LRBA: variants seen among roughly 807,000 people sequenced by gnomAD.
LRBA encodes LPS responsive beige-like anchor protein, also known as lipopolysaccharide-responsive and beige-like anchor protein.
Under a neutral mutation model 330.0 loss-of-function variants are expected in LRBA, and 176 were observed. The observed-to-expected ratio is 0.53, with a 90% CI of 0.47 to 0.60. The LOEUF is 0.60. LRBA is among the 20% of genes least tolerant of loss of function. LRBA has a pLI of 0.00. For synonymous variants in LRBA, 1,230 were observed against 1,193.0 expected (o/e 1.03, Z -0.64); for missense variants, 3,259 against 3,444.8 (o/e 0.95, Z 1.35).
At chr4:150,691,936 T>C (rs985100308) in intron 36 of LRBA, among the ~76,000 whole-genome samples, 1 of 152,116 alleles carries the variant, frequency 6.6e-6, no homozygotes, top group Non-Finnish European at 1.5e-5. Flanking sequence ...GTACCTACTA[T>C]TTGATTCCAT....
intron 46 of LRBA, among the ~76,000 whole-genome samples, chr4:150,425,244 A>G (rs1275336970): frequency 6.6e-6 from 1 of 152,246 alleles, no homozygotes; most frequent in Non-Finnish European, 1.5e-5. Context: ...TCAGAACAGA[A>G]CAGTCAGCTC....
intron 36 of LRBA, among the ~76,000 whole-genome samples, chr4:150,730,029 A>C (rs1730225222): frequency 6.6e-6 from 1 of 152,204 alleles, no homozygotes; most frequent in Non-Finnish European, 1.5e-5. Flanking sequence ...CTAAGACTTC[A>C]AACTGTGAAA....
chr4:150,330,666 G>T (rs1484109939), intron 48 of LRBA, among the ~76,000 whole-genome samples: 3 of 152,152 alleles, frequency 2.0e-5, no homozygotes, highest in African/African-American at 7.2e-5. Context: ...TGTGACAGGG[G>T]TAGAGCTCAG....
At chr4:150,523,620 A>G (rs1349139475) in intron 40 of LRBA, among the ~76,000 whole-genome samples, 1 of 152,190 alleles carries the variant, frequency 6.6e-6, no homozygotes, top group Non-Finnish European at 1.5e-5. Flanking sequence ...GATCCAGATG[A>G]TATCACTAGT....
At position 150,831,981 on chromosome 4, in the gene LRBA, G is replaced by GA. The variant is rs145452262; in HGVS notation, c.4570-6dup. 1.6e-4 allele frequency: 241 copies of GA among 1,462,620 alleles called. 4 individuals are homozygous for GA. In the South Asian group the frequency reaches 2.5e-3, roughly 15 times the overall value. 90.6% of individuals were successfully genotyped at this position (1,462,620 alleles called of 1,614,324 possible). A position where few individuals can be genotyped will look rare whatever the true frequency, so the allele number is the denominator to read the frequency against. ...TTGAGCTTGTTTGCTATCCTCCTGG[G>GA]AAAAAAAATTAAAGGAGTTGATTAT... On this transcript the variant is annotated splice_region_variant and splice_polypyrimidine_tract_variant and intron_variant, in intron 28 of 56. Coordinates refer to ENST00000651943, the MANE Select transcript of LRBA (RefSeq NM_001364905.1).
intron 2 of LRBA, among the ~76,000 whole-genome samples, chr4:150,986,307 G>A (rs772926105): frequency 4.6e-5 from 7 of 152,196 alleles, no homozygotes; most frequent in Non-Finnish European, 8.8e-5. Context: ...GCAGGCAAGC[G>A]AGCATTACCA....
intron 42 of LRBA, among the ~76,000 whole-genome samples, chr4:150,481,171 C>T (rs1757255273): frequency 6.6e-6 from 1 of 152,106 alleles, no homozygotes; most frequent in Non-Finnish European, 1.5e-5. Flanking sequence ...TGACAAGATT[C>T]CATGTTTTTT....
chr4:150,550,808 T>C (rs1766487968), intron 40 of LRBA, among the ~76,000 whole-genome samples: 1 of 152,208 alleles, frequency 6.6e-6, no homozygotes, highest in African/African-American at 2.4e-5. Flanking sequence ...CAACTAACAT[T>C]TCACGGAAAA....
At chr4:150,876,853 A>G (rs753093116) in intron 17 of LRBA, among the ~76,000 whole-genome samples, 3 of 152,196 alleles carry the variant, frequency 2.0e-5, no homozygotes, top group Non-Finnish European at 4.4e-5. Context: ...AAAATCTCAC[A>G]TATCAATATT....
Position 150,831,903 on chromosome 4 carries a change from T to C in LRBA, c.4643A>G (p.Tyr1548Cys). The C allele has an allele frequency of 6.2e-7, 1 of 1,604,244 alleles. No homozygotes were observed. Among genetic ancestry groups the C allele is most frequent in the South Asian group, 1.1e-5 (1 of 89,074 alleles). Residue 1548 changes from tyrosine (Y) to cysteine (C), a missense_variant, in exon 29 of 57, where the codon TAC becomes TGC. Tyr to Cys is a radical substitution (Grantham distance 194, BLOSUM62 -2). Transcript: ENST00000651943. ...YFISVLMVSK[Y>C]RDILEPQNER... ...ATTTTGGGGTTCCAAAATGTCTCTG[T>C]ACTTGGAGACCATAAGAACAGAGAT...
At chr4:150,893,316 CTG>C (rs2127099385) in intron 16 of LRBA, among the ~76,000 whole-genome samples, 167 bp from the exon 17 acceptor site, 1 of 152,300 alleles carries the variant, frequency 6.6e-6, no homozygotes, top group African/African-American at 2.4e-5. Flanking sequence ...ACATTCACCT[CTG>C]TAACTCCAAA....
chr4:150,900,890 C>T (rs1211758989), intron 13 of LRBA, among the ~76,000 whole-genome samples: 3 of 151,984 alleles, frequency 2.0e-5, no homozygotes, highest in Non-Finnish European at 1.5e-5. Context: ...AGTAAATAGT[C>T]TAAAAAAATA....
At chr4:150,501,629 A>G (rs1251363042) in intron 40 of LRBA, among the ~76,000 whole-genome samples, 1 of 152,056 alleles carries the variant, frequency 6.6e-6, no homozygotes, top group Non-Finnish European at 1.5e-5. Context: ...TCTACAATCT[A>G]AGATTCTGGG....
In LRBA at chr4:150,901,101, C is replaced by T. The variant is rs563004629; in HGVS notation, c.1756-884G>A. 3.9e-5 allele frequency among the ~76,000 whole-genome samples: 6 copies of T among 152,076 alleles called. 1 individual carries two copies. The South Asian group carries it at 1.2e-3, about 32-fold the overall frequency. ...TCACTTGAGGTCAGGAGTTTAAAAC[C>T]AGCCTGGCCAACATCGTGAAACTTC... On this transcript the variant is annotated intron_variant, in intron 13 of 56. Coordinates refer to ENST00000651943, the MANE Select transcript of LRBA (RefSeq NM_001364905.1).
intron 26 of LRBA, among the ~76,000 whole-genome samples, chr4:150,847,242 T>G (rs1749977069): frequency 6.6e-6 from 1 of 152,116 alleles, no homozygotes; most frequent in Admixed American, 6.5e-5. Flanking sequence ...ACCGTGAAAA[T>G]CAACAATGAC....
intron 30 of LRBA, among the ~76,000 whole-genome samples, chr4:150,826,540 G>A (rs903219980): frequency 1.3e-5 from 2 of 152,048 alleles, no homozygotes; most frequent in African/African-American, 4.8e-5. Flanking sequence ...AAGAAGGCCT[G>A]GACAAAAAGA....
In LRBA at chr4:150,771,691, G is replaced by A. The variant is rs1360835728; in HGVS notation, c.5581-9844C>T. 2.0e-5 allele frequency among the ~76,000 whole-genome samples: 3 copies of A among 152,150 alleles called. 1 individual carries two copies. The highest frequency in any genetic ancestry group is 4.4e-5 in the Non-Finnish European group (3 of 68,040). ...AACAGTGCCTTATCAGGGACTTACT[G>A]TTGGTCTCCACTGCCAGCAGATTTG... On this transcript the variant is annotated intron_variant, in intron 34 of 56. Transcript: ENST00000651943.
At chr4:150,748,069 C>T (rs981803796) in intron 35 of LRBA, among the ~76,000 whole-genome samples, 16 of 152,130 alleles carry the variant, frequency 1.1e-4, no homozygotes, top group South Asian at 4.1e-4. Flanking sequence ...CAATAAATAG[C>T]GCCAAAGTCC....
At chr4:150,598,915 C>CA in intron 38 of LRBA, 92 bp downstream of exon 38, 1 of 1,463,790 alleles carries the variant, frequency 6.8e-7, no homozygotes, top group Non-Finnish European at 9.3e-7. Context: ...GGTGTTGGAC[C>CA]ATTTTACAGT....
Sources: gnomAD v4.1 joint callset for allele counts (sites outside exome capture counted in the v4.1 genomes callset) on GRCh38, gnomAD v4.1.1 for gene constraint, MANE v1.5 for transcripts, NCBI Gene and HGNC (gene_info 2026-07-23, HGNC 2026-07-21) for gene names.